The following SLC2A13 variants were observed in gnomAD, a reference collection of about 807,000 sequenced individuals.
SLC2A13 encodes the protein solute carrier family 2 member 13.
In SLC2A13, 32 loss-of-function variants were observed where a neutral mutation model predicts 64.4. The observed-to-expected ratio is 0.50, with a 90% CI of 0.37 to 0.67. SLC2A13 has a LOEUF of 0.67. SLC2A13 is among the 30% of genes least tolerant of loss of function. SLC2A13 has a pLI of 0.00. For missense variants in SLC2A13, 743 were observed against 829.2 expected (o/e 0.90, Z 1.28); for synonymous variants, 338 against 327.1 (o/e 1.03, Z -0.36).
intron 7 of SLC2A13, among the ~76,000 whole-genome samples, chr12:39,793,220 A>T (rs1566795727): frequency 6.6e-6 from 1 of 152,170 alleles, no homozygotes; most frequent in Non-Finnish European, 1.5e-5. Context: ...CATTGAATTA[A>T]AGAAAATTCT....
chr12:40,047,717 T>C (rs1948192544), intron 2 of SLC2A13, among the ~76,000 whole-genome samples: 1 of 152,232 alleles, frequency 6.6e-6, no homozygotes, highest in Admixed American at 6.5e-5. Context: ...ATAAACAGCT[T>C]GTCAATCATT....
intron 3 of SLC2A13, among the ~76,000 whole-genome samples, chr12:40,014,947 T>C (rs1432999321): frequency 6.6e-6 from 1 of 152,368 alleles, no homozygotes; most frequent in Non-Finnish European, 1.5e-5. Context: ...CTAAGACCGC[T>C]GAATTAAGTA....
At chr12:40,041,591 T>C (rs1164371598) in intron 2 of SLC2A13, among the ~76,000 whole-genome samples, 1 of 152,236 alleles carries the variant, frequency 6.6e-6, no homozygotes, top group Admixed American at 6.5e-5. Flanking sequence ...GAGCACTTCT[T>C]ATCCATCTTT....
chr12:39,887,620 CCTT>C (rs1236685504), intron 4 of SLC2A13, among the ~76,000 whole-genome samples: 9 of 152,130 alleles, frequency 5.9e-5, no homozygotes, highest in Admixed American at 3.3e-4. Flanking sequence ...GGGTAGACGT[CCTT>C]CTTCTTACAG....
chr12:39,920,038 C>T (rs1945588142), intron 4 of SLC2A13, among the ~76,000 whole-genome samples: 1 of 151,956 alleles, frequency 6.6e-6, no homozygotes, highest in South Asian at 2.1e-4. Flanking sequence ...TATTAGCAAA[C>T]ATCCTGGGTA....
chr12:39,882,848 C>G (rs904024876), intron 4 of SLC2A13, among the ~76,000 whole-genome samples: 16 of 152,208 alleles, frequency 1.1e-4, no homozygotes, highest in Non-Finnish European at 1.9e-4. Context: ...TAGTAACACA[C>G]ACCACTTTGT....
At chr12:40,088,990 C>A (rs1019692607) in intron 1 of SLC2A13, among the ~76,000 whole-genome samples, 1 of 152,082 alleles carries the variant, frequency 6.6e-6, no homozygotes, top group African/African-American at 2.4e-5. Context: ...TTCTAGTATT[C>A]AGAAATTTGA....
intron 4 of SLC2A13, among the ~76,000 whole-genome samples, chr12:39,899,484 G>A (rs559143121): frequency 2.0e-5 from 3 of 152,132 alleles, no homozygotes; most frequent in South Asian, 4.1e-4. Flanking sequence ...ATTTCCTTCA[G>A]TTCTGCTCTG....
At chr12:39,826,854 A>ATTTTTTTTTTTTTT (rs63699664) in intron 7 of SLC2A13, among the ~76,000 whole-genome samples, 52 of 67,382 alleles carry the variant, frequency 7.7e-4, no homozygotes, top group East Asian at 2.4e-3. Flanking sequence ...GTCTCTTTCA[A>ATTTTTTTTTTTTTT]TTTTTTTTTT....
intron 4 of SLC2A13, among the ~76,000 whole-genome samples, chr12:39,900,254 G>A (rs1437026913): frequency 6.6e-6 from 1 of 151,998 alleles, no homozygotes; most frequent in East Asian, 1.9e-4. Flanking sequence ...GGCAAAAACT[G>A]GAAGCATTCC....
At chr12:39,786,797 T>G (rs1438860389) in intron 7 of SLC2A13, among the ~76,000 whole-genome samples, 1 of 152,166 alleles carries the variant, frequency 6.6e-6, no homozygotes, top group African/African-American at 2.4e-5. Flanking sequence ...AAATCCCCTC[T>G]CTCCTGTAAC....
At chr12:39,839,751 T>C in intron 6 of SLC2A13, among the ~76,000 whole-genome samples, 1 of 152,040 alleles carries the variant, frequency 6.6e-6, no homozygotes, top group South Asian at 2.1e-4. Context: ...CTATAACCAA[T>C]ACACTGAGCC....
chr12:40,090,039 T>C (rs1015088102), intron 1 of SLC2A13, among the ~76,000 whole-genome samples: 10 of 152,208 alleles, frequency 6.6e-5, no homozygotes, highest in African/African-American at 2.4e-4. Context: ...AAGTTTATTT[T>C]GCTCACTTAT....
intron 2 of SLC2A13, among the ~76,000 whole-genome samples, chr12:40,031,319 T>C (rs1434538519): frequency 1.3e-5 from 2 of 151,864 alleles, no homozygotes; most frequent in Non-Finnish European, 2.9e-5. Context: ...GCCTCCCGGG[T>C]TCAAGCAATT....
At chr12:39,906,303 T>C (rs1945279836) in intron 4 of SLC2A13, among the ~76,000 whole-genome samples, 2 of 152,158 alleles carry the variant, frequency 1.3e-5, no homozygotes, top group Admixed American at 6.6e-5. Context: ...TGTGAATAAC[T>C]AGACAAGCTT....
intron 3 of SLC2A13, among the ~76,000 whole-genome samples, chr12:40,024,186 C>T (rs1947766534): frequency 6.6e-6 from 1 of 152,202 alleles, no homozygotes; most frequent in Non-Finnish European, 1.5e-5. Context: ...ACAAACCAGA[C>T]ATACCACAAA....
At chr12:39,934,753 G>GT (rs914383756) in intron 4 of SLC2A13, among the ~76,000 whole-genome samples, 3 of 152,174 alleles carry the variant, frequency 2.0e-5, no homozygotes, top group Non-Finnish European at 2.9e-5. Flanking sequence ...GGTACTGAGT[G>GT]TTTTTTCAAA....
chr12:39,801,339 T>A (rs1941783902), intron 7 of SLC2A13, among the ~76,000 whole-genome samples: 1 of 126,860 alleles, frequency 7.9e-6, no homozygotes, highest in Non-Finnish European at 1.7e-5. Context: ...ATGAGGAAAT[T>A]AAAAAAAAAA....
chr12:39,896,293 T>C (rs1173159005), intron 4 of SLC2A13, among the ~76,000 whole-genome samples: 1 of 105,942 alleles, frequency 9.4e-6, no homozygotes, highest in African/African-American at 3.3e-5. Flanking sequence ...TATGTATATG[T>C]GTGTATATAT....
Sources: allele counts gnomAD v4.1 joint callset (sites outside exome capture counted in the v4.1 genomes callset), GRCh38; gene constraint gnomAD v4.1.1; transcripts MANE v1.5; gene names NCBI Gene and HGNC (gene_info 2026-07-23, HGNC 2026-07-21).